The following SDK1 variants were observed in gnomAD, a reference collection of about 807,000 sequenced individuals.
SDK1 encodes the protein sidekick cell adhesion molecule 1.
A neutral mutation model predicts 245.5 loss-of-function variants in SDK1; 157 were observed. That is an observed-to-expected ratio of 0.64 (90% CI 0.56 to 0.73). The LOEUF (loss-of-function observed/expected upper bound fraction) is 0.73, where lower values mean the gene tolerates loss of function less well. Ranked by LOEUF, SDK1 falls within the 30% of genes least tolerant of loss-of-function variation. SDK1 has a pLI of 0.00. For missense variants in SDK1, 3,583 were observed against 3,002.3 expected, an observed-to-expected ratio of 1.19 and a Z score of -4.52; for synonymous variants, 1,647 against 1,278.5, an observed-to-expected ratio of 1.29 and a Z score of -6.15.
intron 38 of SDK1, among the ~76,000 whole-genome samples, chr7:4,216,066 A>C (rs1784778182): frequency 6.6e-6 from 1 of 152,194 alleles, no homozygotes; most frequent in Non-Finnish European, 1.5e-5. Flanking sequence ...AACGTGGTTC[A>C]GGAAGCACTC....
chr7:4,079,588 C>T lies in SDK1; in HGVS notation c.3324+4C>T, dbSNP rs772945093. 9 of 1,614,054 alleles carry T rather than the reference C, an allele frequency of 5.6e-6. No individual in the cohort carries two copies. The East Asian group carries it at 8.9e-5, about 16-fold the overall frequency. On this transcript the variant is annotated splice_donor_region_variant and intron_variant, in intron 22 of 44. Coordinates refer to ENST00000404826, the MANE Select transcript of SDK1 (RefSeq NM_152744.4). ...CAGGTGGATTGTTGAGGGGCAGGTA[C>T]GTGTGTCGTTAGACTGGGAGCTGGC...
chr7:3,670,182 A>G (rs190735401), intron 4 of SDK1, among the ~76,000 whole-genome samples: 1 of 152,318 alleles, frequency 6.6e-6, no homozygotes, highest in East Asian at 1.9e-4. Context: ...TCAGAATGAT[A>G]TATTAATATG....
chr7:4,159,100 A>G, intron 31 of SDK1, among the ~76,000 whole-genome samples: 1 of 152,238 alleles, frequency 6.6e-6, no homozygotes, highest in East Asian at 1.9e-4. Flanking sequence ...TGGGATGGAA[A>G]AGAGTGGATG....
chr7:3,470,972 A>T (rs929055986), intron 1 of SDK1, among the ~76,000 whole-genome samples: 1 of 152,202 alleles, frequency 6.6e-6, no homozygotes, highest in Non-Finnish European at 1.5e-5. Flanking sequence ...TTTGATAAAC[A>T]AGTATCTTTC....
intron 13 of SDK1, among the ~76,000 whole-genome samples, chr7:3,986,696 A>G (rs1003216930): frequency 2.6e-5 from 4 of 152,018 alleles, no homozygotes; most frequent in Non-Finnish European, 4.4e-5. Context: ...CCCCATCTCT[A>G]CTAAAAATAC....
At chr7:3,814,581 G>T (rs940242174) in intron 4 of SDK1, among the ~76,000 whole-genome samples, 1 of 151,908 alleles carries the variant, frequency 6.6e-6, no homozygotes, top group Non-Finnish European at 1.5e-5. Context: ...GCTTAGGATT[G>T]ACTTGGTGAT....
At chr7:3,938,438 C>T (rs990007916) in intron 5 of SDK1, among the ~76,000 whole-genome samples, 3 of 151,948 alleles carry the variant, frequency 2.0e-5, no homozygotes, top group Admixed American at 6.6e-5. Flanking sequence ...GTCAGGAGAT[C>T]GTGACTAACC....
chr7:3,535,892 C>G (rs531134113), intron 1 of SDK1, among the ~76,000 whole-genome samples: 33 of 152,148 alleles, frequency 2.2e-4, no homozygotes, highest in African/African-American at 7.9e-4. Flanking sequence ...ATCATTTTTT[C>G]TCACATCTTA....
chr7:3,652,825 C>T (rs1411291988), intron 4 of SDK1, among the ~76,000 whole-genome samples: 1 of 152,008 alleles, frequency 6.6e-6, no homozygotes, highest in African/African-American at 2.4e-5. Flanking sequence ...AATTCAGAAG[C>T]GAGGGTCATG....
intron 1 of SDK1, among the ~76,000 whole-genome samples, chr7:3,435,321 C>CTTTTTTTTTTTTTTTTTTTTTTTTT (rs71029672): frequency 3.5e-5 from 2 of 56,878 alleles, no homozygotes; most frequent in African/African-American, 1.8e-4. Context: ...AGGGGACTGC[C>CTTTTTTTTTTTTTTTTTTTTTTTTT]TTTTTTTTTT....
chr7:4,015,879 A>G (rs1168013564), intron 16 of SDK1, among the ~76,000 whole-genome samples: 1 of 152,160 alleles, frequency 6.6e-6, no homozygotes, highest in African/African-American at 2.4e-5. Context: ...CCAAGTGTAC[A>G]TGGTCGGCGG....
chr7:3,362,449 T>C (rs564004356), intron 1 of SDK1, among the ~76,000 whole-genome samples: 1 of 152,232 alleles, frequency 6.6e-6, no homozygotes, highest in South Asian at 2.1e-4. Context: ...CAGCAGAAAA[T>C]TTTTGCAGCA....
At chr7:4,217,162 C>G (rs1254370004) in intron 38 of SDK1, among the ~76,000 whole-genome samples, 1 of 129,048 alleles carries the variant, frequency 7.7e-6, no homozygotes, top group Non-Finnish European at 1.7e-5. Flanking sequence ...ACCACACCAC[C>G]CGGAGCACCA....
At chr7:3,641,355 T>C (rs911888924) in intron 3 of SDK1, among the ~76,000 whole-genome samples, 1 of 152,196 alleles carries the variant, frequency 6.6e-6, no homozygotes, top group African/African-American at 2.4e-5. Flanking sequence ...TATGACCCCA[T>C]TTTTTAAATT....
At chr7:3,802,854 T>C (rs898503627) in intron 4 of SDK1, among the ~76,000 whole-genome samples, 3 of 152,212 alleles carry the variant, frequency 2.0e-5, no homozygotes, top group African/African-American at 4.8e-5. Context: ...TCTTCACCAA[T>C]TGAGGAACAT....
chr7:4,033,761 A>T (rs1223288292), intron 17 of SDK1, among the ~76,000 whole-genome samples: 1 of 152,198 alleles, frequency 6.6e-6, no homozygotes, highest in African/African-American at 2.4e-5. Context: ...ACACACAGAG[A>T]ACAATGTGAT....
chr7:4,185,586 C>T (rs1782839673), intron 35 of SDK1, among the ~76,000 whole-genome samples: 2 of 152,298 alleles, frequency 1.3e-5, no homozygotes, highest in East Asian at 3.9e-4. Flanking sequence ...CCCATGCAGC[C>T]CTGCATCCAC....
intron 5 of SDK1, among the ~76,000 whole-genome samples, chr7:3,882,725 T>C (rs972028348): frequency 6.6e-6 from 1 of 152,100 alleles, no homozygotes; most frequent in Admixed American, 6.5e-5. Flanking sequence ...CAAATGAGCC[T>C]TCTTTTTTTT....
chr7:4,040,372 A>G (rs1047088417), intron 17 of SDK1, among the ~76,000 whole-genome samples: 57 of 152,282 alleles, frequency 3.7e-4, no homozygotes, highest in African/African-American at 1.4e-3. Context: ...GTGGCAACTG[A>G]AAAACAACTC....
Sources: gnomAD v4.1 joint callset for allele counts (sites outside exome capture counted in the v4.1 genomes callset) on GRCh38, gnomAD v4.1.1 for gene constraint, MANE v1.5 for transcripts, NCBI Gene and HGNC (gene_info 2026-07-23, HGNC 2026-07-21) for gene names.